Variants in ARHGAP24 observed in about 807,000 individuals in gnomAD.
The protein encoded by ARHGAP24 is Rho GTPase activating protein 24.
Under a neutral mutation model 76.4 loss-of-function variants are expected in ARHGAP24, and 50 were observed. The ratio of observed to expected loss-of-function variants is 0.65; its 90% CI spans 0.52 to 0.83. The LOEUF is 0.83. Ranked by LOEUF, ARHGAP24 falls within the 40% of genes least tolerant of loss-of-function variation. ARHGAP24 has a pLI of 0.00. For synonymous variants in ARHGAP24, 345 were observed against 323.3 expected (o/e 1.07, Z -0.72); for missense variants, 930 against 914.2 (o/e 1.02, Z -0.22).
intron 2 of ARHGAP24, among the ~76,000 whole-genome samples, chr4:85,679,625 G>A (rs1259133509): frequency 6.6e-5 from 10 of 152,072 alleles, no homozygotes; most frequent in African/African-American, 2.4e-4. Context: ...TAATTCCAGT[G>A]TCCTCCTTTG....
chr4:85,782,052 G>A (rs149195648), intron 3 of ARHGAP24, among the ~76,000 whole-genome samples: 101 of 40,382 alleles, frequency 2.5e-3, no homozygotes, highest in Middle Eastern at 0.013. Flanking sequence ...AAAAAAAAAA[G>A]AAAAAAAAAA....
At chr4:85,572,049 T>A (rs1332153944) in intron 2 of ARHGAP24, among the ~76,000 whole-genome samples, 2 of 152,190 alleles carry the variant, frequency 1.3e-5, no homozygotes, top group Non-Finnish European at 2.9e-5. Context: ...TGGGGATTAT[T>A]TTTACAGAGG....
chr4:85,898,006 C>CAT (rs10561420), intron 3 of ARHGAP24, among the ~76,000 whole-genome samples: 172 of 134,168 alleles, frequency 1.3e-3, no homozygotes, highest in African/African-American at 4.5e-3. Context: ...TATATATACA[C>CAT]ATATATATAT....
At chr4:85,923,470 G>A (rs540224783) in intron 3 of ARHGAP24, among the ~76,000 whole-genome samples, 178 bp from the exon 4 acceptor site, 64 of 152,280 alleles carry the variant, frequency 4.2e-4, no homozygotes, top group Admixed American at 3.3e-4. Context: ...AAGCATAACA[G>A]TCTCTCCTTT....
rs1415651608 is a variant in ARHGAP24, at chr4:85,732,867, A to G, written c.268+10895A>G. Among the ~76,000 whole-genome samples the G allele has an allele frequency of 3.0e-5, 4 of 132,548 alleles. No individual in the cohort carries two copies. In the East Asian group the frequency reaches 8.9e-4, roughly 30 times the overall value. 87.0% of individuals were successfully genotyped at this position (132,548 alleles called of 152,430 possible). ...TGCCACCAAGCCTGGCTAATTTTGT[A>G]TTTTTTTTTTTTTAGTATTTATTTT... On this transcript the variant is annotated intron_variant, in intron 3 of 9. Transcript: ENST00000395184.
chr4:85,806,826 T>C (rs1417152740), intron 3 of ARHGAP24, among the ~76,000 whole-genome samples: 1 of 152,192 alleles, frequency 6.6e-6, no homozygotes, highest in East Asian at 1.9e-4. Context: ...CCCAAAAATA[T>C]GTAGCTTTTG....
chr4:85,976,777 CTCTT>C (rs1471156071), intron 7 of ARHGAP24, among the ~76,000 whole-genome samples: 10 of 114,368 alleles, frequency 8.7e-5, no homozygotes, highest in African/African-American at 3.7e-4. Flanking sequence ...CATTTTATTT[CTCTT>C]TTTTTTTTTT....
chr4:85,780,364 G>T lies in ARHGAP24; in HGVS notation c.268+58392G>T, dbSNP rs539955530. ...AATTTTTGTAATTTTGGTAGAGATGGGGTTTCACCATGTTGGCCACGCTGG... is the reference window on the plus strand; with the variant it reads ...AATTTTTGTAATTTTGGTAGAGATGTGGTTTCACCATGTTGGCCACGCTGG... On this transcript the variant is annotated intron_variant, in intron 3 of 9. Transcript: ENST00000395184. Among the ~76,000 whole-genome samples the T allele has an allele frequency of 3.3e-5, 5 of 152,074 alleles. No homozygotes were observed. In the East Asian group the frequency reaches 7.7e-4, roughly 24 times the overall value.
intron 3 of ARHGAP24, among the ~76,000 whole-genome samples, chr4:85,902,449 A>T (rs1309981043): frequency 6.6e-6 from 1 of 152,146 alleles, no homozygotes; most frequent in Non-Finnish European, 1.5e-5. Context: ...AATTGATACA[A>T]CACCATAGTT....
At chr4:85,610,092 C>T (rs562091474) in intron 2 of ARHGAP24, among the ~76,000 whole-genome samples, 4 of 152,030 alleles carry the variant, frequency 2.6e-5, no homozygotes, top group Non-Finnish European at 4.4e-5. Flanking sequence ...AAGTCTGAGC[C>T]AACTTCTTAT....
At position 85,994,993 on chromosome 4, in the gene ARHGAP24, G is replaced by C. The variant is rs763248315; in HGVS notation, c.1339G>C (p.Glu447Gln). Residue 447 changes from glutamate to glutamine, a missense_variant, in exon 9 of 10, where the codon GAG (glutamate) becomes CAG (glutamine). By Grantham distance (29) the Glu-to-Gln change is conservative. Transcript: ENST00000395184. Reference sequence around the variant, plus strand: ...CAGCAGCAGTAATGCAGAAGGTCTTGAGAAAACCCAAACCACCCCCAATGG... The same window carrying C: ...CAGCAGCAGTAATGCAGAAGGTCTTCAGAAAACCCAAACCACCCCCAATGG... ...SFSSSNAEGL[E>Q]KTQTTPNGSL... The C allele has an allele frequency of 6.8e-6, 11 of 1,614,054 alleles. No individual in the cohort carries two copies. The highest frequency in any genetic ancestry group is 7.6e-6 in the Non-Finnish European group (9 of 1,180,012).
intron 1 of ARHGAP24, among the ~76,000 whole-genome samples, chr4:85,499,575 C>G (rs1723717380): frequency 6.6e-6 from 1 of 152,200 alleles, no homozygotes. Context: ...GAGCTCTTAC[C>G]TAGCCTGCAG....
chr4:85,837,012 T>C (rs967045039), intron 3 of ARHGAP24, among the ~76,000 whole-genome samples: 1 of 151,940 alleles, frequency 6.6e-6, no homozygotes, highest in African/African-American at 2.4e-5. Context: ...GTGCAGGGAC[T>C]CCCTAAATAT....
At chr4:85,924,103 A>C (rs1440515907) in intron 4 of ARHGAP24, among the ~76,000 whole-genome samples, 1 of 152,132 alleles carries the variant, frequency 6.6e-6, no homozygotes, top group Non-Finnish European at 1.5e-5. Context: ...GAACATCTAG[A>C]TATGAAGTAA....
At chr4:85,888,402 G>GAAAAAAAAAA (rs377665282) in intron 3 of ARHGAP24, among the ~76,000 whole-genome samples, 10 of 125,050 alleles carry the variant, frequency 8.0e-5, no homozygotes, top group Non-Finnish European at 1.1e-4. Flanking sequence ...TTCCTCTCAA[G>GAAAAAAAAAA]AAAAAAAAAA....
chr4:85,896,666 T>C (rs1471402789), intron 3 of ARHGAP24, among the ~76,000 whole-genome samples: 2 of 152,220 alleles, frequency 1.3e-5, no homozygotes, highest in African/African-American at 4.8e-5. Flanking sequence ...CTCCCTCTTC[T>C]ACTGATGCTC....
intron 5 of ARHGAP24, among the ~76,000 whole-genome samples, chr4:85,970,177 G>A (rs1016109717): frequency 6.6e-6 from 1 of 152,102 alleles, no homozygotes; most frequent in Non-Finnish European, 1.5e-5. Flanking sequence ...TCCACTCTGG[G>A]CTCTGACCTT....
At chr4:85,885,743 C>A (rs904533671) in intron 3 of ARHGAP24, among the ~76,000 whole-genome samples, 1 of 152,004 alleles carries the variant, frequency 6.6e-6, no homozygotes, top group Non-Finnish European at 1.5e-5. Flanking sequence ...AATGACATGG[C>A]AAACTAAAAT....
intron 3 of ARHGAP24, among the ~76,000 whole-genome samples, chr4:85,878,198 T>A (rs1454808459): frequency 6.6e-6 from 1 of 152,102 alleles, no homozygotes; most frequent in Non-Finnish European, 1.5e-5. Flanking sequence ...AGTTGATAGA[T>A]GGTGATGATG....
Sources: gnomAD v4.1 joint callset for allele counts (sites outside exome capture counted in the v4.1 genomes callset) on GRCh38, gnomAD v4.1.1 for gene constraint, MANE v1.5 for transcripts, NCBI Gene and HGNC (gene_info 2026-07-23, HGNC 2026-07-21) for gene names.